Variants in PLCH1 observed in about 807,000 individuals in gnomAD.
PLCH1 encodes the protein phospholipase C eta 1, also known as 1-phosphatidylinositol 4,5-bisphosphate phosphodiesterase eta-1.
A neutral mutation model predicts 126.7 loss-of-function variants in PLCH1; 60 were observed. The observed-to-expected ratio is 0.47, with a 90% CI of 0.38 to 0.59. The LOEUF (loss-of-function observed/expected upper bound fraction) is 0.59, where lower values mean the gene tolerates loss of function less well. PLCH1 is among the 20% of genes least tolerant of loss of function. PLCH1 has a pLI of 0.00. For synonymous variants in PLCH1, 719 were observed against 734.9 expected, an observed-to-expected ratio of 0.98 and a Z score of 0.35; for missense variants, 1,723 against 2,040.0, an observed-to-expected ratio of 0.84 and a Z score of 2.99.
At chr3:155,512,389 A>C (rs1719702187) in intron 12 of PLCH1, among the ~76,000 whole-genome samples, 1 of 152,202 alleles carries the variant, frequency 6.6e-6, no homozygotes, top group East Asian at 1.9e-4. Flanking sequence ...CTGGGCTTGC[A>C]GTCTAATCGT....
At position 155,549,858 on chromosome 3, in the gene PLCH1, A is replaced by G. The variant is rs1340843502; in HGVS notation, c.1291T>C (p.Ser431Pro). ...TTGCACTCCCCTGTATCAACAGATGACAGGTCCAGTTTGTCTCCGAATATT... is the reference window on the plus strand; with the variant it reads ...TTGCACTCCCCTGTATCAACAGATGGCAGGTCCAGTTTGTCTCCGAATATT... ...KGIFGDKLDL[S>P]SVDTGECKQL... The change falls in exon 10 of 23, where the codon TCA (serine) becomes CCA (proline). Residue 431 changes from serine (S) to proline (P), a missense_variant. By Grantham distance (74) the Ser-to-Pro change is moderately conservative (BLOSUM62 -1). Coordinates refer to ENST00000460012, the MANE Select transcript of PLCH1 (RefSeq NM_014996.4). The G allele has an allele frequency of 1.2e-6, 2 of 1,613,872 alleles. No individual in the cohort carries two copies. The highest frequency in any genetic ancestry group is 2.7e-5 in the African/African-American group (2 of 74,924).
chr3:155,618,357 T>G (rs1447087722), intron 2 of PLCH1, among the ~76,000 whole-genome samples: 8 of 152,260 alleles, frequency 5.3e-5, no homozygotes, highest in South Asian at 4.1e-4. Context: ...TGCTACTACC[T>G]CTTTCCTGAG....
chr3:155,484,631 C>A (rs1714726331), intron 22 of PLCH1, among the ~76,000 whole-genome samples: 1 of 152,196 alleles, frequency 6.6e-6, no homozygotes, highest in South Asian at 2.1e-4. Flanking sequence ...AATTTACCCC[C>A]AGATAGGATG....
intron 10 of PLCH1, among the ~76,000 whole-genome samples, chr3:155,539,636 A>G (rs1228872036): frequency 1.3e-5 from 2 of 152,080 alleles, no homozygotes; most frequent in Admixed American, 6.6e-5. Context: ...CCCTTTTACA[A>G]TAGCTGCAAA....
chr3:155,482,696 T>C lies in PLCH1; in HGVS notation c.3330A>G (p.Glu1110=). ...CGCTTCCTGACAAGATGCTTTTCCC[T>C]TCCACAAAGTCCTCAGGATTACCCT... ...KEKGNPEDFV[E]GKSILSGSVL... Residue 1110 remains glutamate, a synonymous_variant, in exon 23 of 23, where the codon GAA becomes GAG. Transcript: ENST00000460012. The C allele has an allele frequency of 6.2e-7, 1 of 1,614,214 alleles. No individual in the cohort carries two copies. Among genetic ancestry groups the C allele is most frequent in the Non-Finnish European group, 8.5e-7 (1 of 1,180,036 alleles).
chr3:155,741,681 CCT>C (rs1491430931), intron 1 of PLCH1, among the ~76,000 whole-genome samples: 1 of 90,944 alleles, frequency 1.1e-5, no homozygotes, highest in Non-Finnish European at 1.9e-5. Flanking sequence ...AATTTTATAT[CCT>C]CTTTTTTTTT....
chr3:155,650,437 G>A (rs894736096), intron 2 of PLCH1, among the ~76,000 whole-genome samples: 1 of 152,152 alleles, frequency 6.6e-6, no homozygotes, highest in African/African-American at 2.4e-5. Flanking sequence ...GGCAGATCTA[G>A]TAGGAATCGC....
At chr3:155,612,692 C>A (rs1735266768) in intron 2 of PLCH1, among the ~76,000 whole-genome samples, 1 of 151,902 alleles carries the variant, frequency 6.6e-6, no homozygotes, top group African/African-American at 2.4e-5. Flanking sequence ...AGGCAGATCA[C>A]CTGAGGTTGG....
At chr3:155,542,777 G>A (rs1195373754) in intron 10 of PLCH1, among the ~76,000 whole-genome samples, 6 of 152,322 alleles carry the variant, frequency 3.9e-5, no homozygotes, top group South Asian at 2.1e-4. Flanking sequence ...CAGGCAAACA[G>A]GGTCTGGAGT....
chr3:155,499,506 T>C lies in PLCH1; in HGVS notation c.1796+1197A>G, dbSNP rs140758673. Among the ~76,000 whole-genome samples, 307 of 152,324 alleles carry C rather than the reference T, an allele frequency of 2.0e-3. 4 individuals are homozygous for C. Among genetic ancestry groups the C allele is most frequent in the Non-Finnish European group, 1.1e-3 (72 of 68,024 alleles). ...TTCTACAGAAAATTAACTCTTTTTA[T>C]TCCTCATCCTAGAGGTGCATTAGGT... On this transcript the variant is annotated intron_variant, in intron 14 of 22. Coordinates refer to ENST00000460012, the MANE Select transcript of PLCH1 (RefSeq NM_014996.4).
chr3:155,463,499 C>T (rs1460755498), intron 21 of PLCH1, among the ~76,000 whole-genome samples: 3 of 151,802 alleles, frequency 2.0e-5, no homozygotes, highest in Non-Finnish European at 2.9e-5. Flanking sequence ...AGAGGACTAA[C>T]GTAGGAGTTG....
At chr3:155,662,342 C>T (rs1359632911) in intron 2 of PLCH1, among the ~76,000 whole-genome samples, 1 of 152,008 alleles carries the variant, frequency 6.6e-6, no homozygotes, top group Non-Finnish European at 1.5e-5. Flanking sequence ...GTGGTGCACA[C>T]CTGTAGTTCC....
chr3:155,629,387 C>T (rs368240915), intron 2 of PLCH1, among the ~76,000 whole-genome samples: 7 of 152,222 alleles, frequency 4.6e-5, no homozygotes, highest in African/African-American at 1.7e-4. Context: ...AAATGTAAAT[C>T]TCAAGCCCCA....
intron 12 of PLCH1, among the ~76,000 whole-genome samples, chr3:155,505,070 G>A (rs1323355715): frequency 6.6e-6 from 1 of 152,174 alleles, no homozygotes; most frequent in Admixed American, 6.5e-5. Flanking sequence ...ATTGAATAAA[G>A]AAAGTGGATC....
chr3:155,585,550 T>C (rs1347504202), intron 5 of PLCH1, among the ~76,000 whole-genome samples: 1 of 152,140 alleles, frequency 6.6e-6, no homozygotes, highest in Non-Finnish European at 1.5e-5. Flanking sequence ...CAATGACTCA[T>C]CAACAGGGAA....
chr3:155,457,100 T>C (rs1008682021), intron 21 of PLCH1: 1 of 152,314 alleles, frequency 6.6e-6, no homozygotes, highest in Non-Finnish European at 1.5e-5. Context: ...CTGCCTTGCG[T>C]TGCCCCGGAC....
At chr3:155,579,215 T>C (rs536570130) in intron 6 of PLCH1, among the ~76,000 whole-genome samples, 3 of 152,340 alleles carry the variant, frequency 2.0e-5, no homozygotes, top group African/African-American at 4.8e-5. Context: ...GCCTCTGCCA[T>C]GCCCTAGCGA....
At chr3:155,518,641 G>A (rs1056002702) in intron 11 of PLCH1, among the ~76,000 whole-genome samples, 2 of 152,144 alleles carry the variant, frequency 1.3e-5, no homozygotes, top group African/African-American at 4.8e-5. Flanking sequence ...CTTAAGGTCA[G>A]AAGCAAATCC....
chr3:155,545,867 A>C (rs1725191731), intron 10 of PLCH1, among the ~76,000 whole-genome samples: 1 of 152,250 alleles, frequency 6.6e-6, no homozygotes, highest in Admixed American at 6.5e-5. Context: ...TCAATAAAGT[A>C]GGTATTGATG....
Sources: gnomAD v4.1 joint callset for allele counts (sites outside exome capture counted in the v4.1 genomes callset) on GRCh38, gnomAD v4.1.1 for gene constraint, MANE v1.5 for transcripts, NCBI Gene and HGNC (gene_info 2026-07-23, HGNC 2026-07-21) for gene names.